Variants in ARHGAP12 observed in about 807,000 individuals in gnomAD.
The protein encoded by ARHGAP12 is rho GTPase-activating protein 12.
A neutral mutation model predicts 108.6 loss-of-function variants in ARHGAP12; 64 were observed. The observed-to-expected ratio is 0.59, with a 90% CI of 0.48 to 0.73. The LOEUF is 0.73. Ranked by LOEUF, ARHGAP12 falls within the 30% of genes least tolerant of loss-of-function variation. The pLI is 0.00. For synonymous variants in ARHGAP12, 312 were observed against 337.2 expected (o/e 0.93, Z 0.82); for missense variants, 940 against 1,005.9 (o/e 0.93, Z 0.89).
intron 1 of ARHGAP12, among the ~76,000 whole-genome samples, chr10:31,915,086 T>C (rs1282789171): frequency 6.6e-6 from 1 of 152,076 alleles, no homozygotes; most frequent in Non-Finnish European, 1.5e-5. Context: ...TCTAAAAATA[T>C]TGATCTCTTA....
chr10:31,884,003 C>T (rs1205359538), intron 3 of ARHGAP12, among the ~76,000 whole-genome samples: 1 of 150,516 alleles, frequency 6.6e-6, no homozygotes, highest in Non-Finnish European at 1.5e-5. Context: ...GCATGAGCCA[C>T]TACGCCTGGC....
intron 3 of ARHGAP12, among the ~76,000 whole-genome samples, chr10:31,891,477 T>A (rs1488721207): frequency 1.3e-5 from 2 of 152,224 alleles, no homozygotes; most frequent in African/African-American, 4.8e-5. Context: ...CTTCCCTTTG[T>A]GGGTAACCCG....
chr10:31,858,364 C>T (rs1836966205), intron 4 of ARHGAP12, among the ~76,000 whole-genome samples: 1 of 152,086 alleles, frequency 6.6e-6, no homozygotes, highest in Non-Finnish European at 1.5e-5. Context: ...ACACATAGAT[C>T]CTATATGGCT....
intron 3 of ARHGAP12, among the ~76,000 whole-genome samples, chr10:31,887,650 G>GTTTTTTTTTTTGTTTTTT (rs1247511414): frequency 7.4e-6 from 1 of 135,584 alleles, no homozygotes; most frequent in Non-Finnish European, 1.6e-5. Context: ...TGCCCTTCCT[G>GTTTTTTTTTTTGTTTTTT]TTTTTTTTTT....
At position 31,847,745 on chromosome 10, in the gene ARHGAP12, CCA is replaced by C. The variant is rs567362046; in HGVS notation, c.1171-4161_1171-4160del. Among the ~76,000 whole-genome samples, 71 of 152,166 alleles carry C rather than the reference CCA, an allele frequency of 4.7e-4. 1 individual carries two copies. The East Asian group carries it at 0.013, about 27-fold the overall frequency. On this transcript the variant is annotated intron_variant, in intron 6 of 19. Coordinates refer to ENST00000344936, the MANE Select transcript of ARHGAP12 (RefSeq NM_018287.7). ...TGGGTCTAGTCAACAGGGCTCCACC[CCA>C]CAGTCTCCATAGTGCCCAGGCAGGG...
Position 31,861,389 on chromosome 10 carries a change from T to A in ARHGAP12, c.948+6A>T. On this transcript the variant is annotated splice_donor_region_variant and intron_variant, in intron 4 of 19. Coordinates refer to ENST00000344936, the MANE Select transcript of ARHGAP12 (RefSeq NM_018287.7). ...AACTTGCAGTTGATTCCTTAATTACTCATACCTCTTGATCCCCTGGATTTT... is the reference window on the plus strand; with the variant it reads ...AACTTGCAGTTGATTCCTTAATTACACATACCTCTTGATCCCCTGGATTTT... 5 of 1,603,272 alleles carry A rather than the reference T, an allele frequency of 3.1e-6. No individual in the cohort carries two copies. Among genetic ancestry groups the A allele is most frequent in the South Asian group, 1.1e-5 (1 of 88,940 alleles).
intron 1 of ARHGAP12, among the ~76,000 whole-genome samples, chr10:31,924,533 T>A (rs1357219603): frequency 6.6e-6 from 1 of 152,236 alleles, no homozygotes; most frequent in African/African-American, 2.4e-5. Flanking sequence ...AGATTAATGC[T>A]TTTGAGATTC....
At chr10:31,813,037 T>C (rs1031548801) in intron 14 of ARHGAP12, among the ~76,000 whole-genome samples, 7 of 152,286 alleles carry the variant, frequency 4.6e-5, no homozygotes, top group African/African-American at 1.7e-4. Context: ...AAACATTTCA[T>C]TTTTATCACT....
chr10:31,834,969 C>T lies in ARHGAP12; in HGVS notation c.1387-3169G>A, dbSNP rs574285108. Among the ~76,000 whole-genome samples the T allele has an allele frequency of 6.4e-4, 97 of 152,068 alleles. 2 individuals carry two copies. The South Asian group carries it at 0.016, about 25-fold the overall frequency. ...TAATCTCAGCACTTTGGGAGGCCAACACAGGTGGATCACGAGGTCAGGAGT... is the reference window on the plus strand; with the variant it reads ...TAATCTCAGCACTTTGGGAGGCCAATACAGGTGGATCACGAGGTCAGGAGT... On this transcript the variant is annotated intron_variant, in intron 9 of 19. Coordinates refer to ENST00000344936, the MANE Select transcript of ARHGAP12 (RefSeq NM_018287.7).
chr10:31,823,003 T>G (rs1835472109), intron 11 of ARHGAP12, among the ~76,000 whole-genome samples: 1 of 152,158 alleles, frequency 6.6e-6, no homozygotes, highest in Admixed American at 6.6e-5. Flanking sequence ...AATGAATGTT[T>G]GAATAACTAC....
chr10:31,843,855 T>C (rs993157179), intron 6 of ARHGAP12, among the ~76,000 whole-genome samples: 3 of 152,180 alleles, frequency 2.0e-5, no homozygotes, highest in Admixed American at 2.0e-4. Flanking sequence ...TTTTGTCAAC[T>C]GTAAAGTGGA....
intron 11 of ARHGAP12, 110 bp downstream of exon 11, chr10:31,826,194 G>T: frequency 1.4e-6 from 1 of 723,484 alleles, no homozygotes; most frequent in Non-Finnish European, 2.2e-6. Flanking sequence ...ATTTTTATTT[G>T]CACACTAGCT....
chr10:31,831,721 A>G lies in ARHGAP12; in HGVS notation c.1448+18T>C. 6.6e-7 allele frequency: 1 copy of G among 1,513,442 alleles called. No homozygotes were observed. Among genetic ancestry groups the G allele is most frequent in the Non-Finnish European group, 9.1e-7 (1 of 1,100,374 alleles). The allele number at this position is 1,513,442 out of a possible 1,614,324, so 93.8% of individuals were successfully genotyped here. A position where few individuals can be genotyped will look rare whatever the true frequency, so the allele number is the denominator to read the frequency against. On this transcript the variant is annotated intron_variant, in intron 10 of 19. Coordinates refer to ENST00000344936, the MANE Select transcript of ARHGAP12 (RefSeq NM_018287.7). ...TTCAGATGAATCATGTAAGAACATTAAAGACTTGTGTACTTACCGAACCTT... is the reference window on the plus strand; with the variant it reads ...TTCAGATGAATCATGTAAGAACATTGAAGACTTGTGTACTTACCGAACCTT...
intron 3 of ARHGAP12, among the ~76,000 whole-genome samples, chr10:31,884,336 CG>C (rs1485999825): frequency 6.7e-6 from 1 of 149,722 alleles, no homozygotes; most frequent in Non-Finnish European, 1.5e-5. Flanking sequence ...AAAAAAAAAA[CG>C]GCACAGTTTT....
At chr10:31,851,917 T>C (rs1342911478) in intron 6 of ARHGAP12, among the ~76,000 whole-genome samples, 1 of 152,216 alleles carries the variant, frequency 6.6e-6, no homozygotes, top group African/African-American at 2.4e-5. Flanking sequence ...AAAATTCAAA[T>C]GTTTGCTCAT....
intron 3 of ARHGAP12, among the ~76,000 whole-genome samples, chr10:31,906,036 G>T (rs984940101): frequency 6.6e-6 from 1 of 152,080 alleles, no homozygotes; most frequent in African/African-American, 2.4e-5. Flanking sequence ...CAATTTCAAA[G>T]ATGAGGACTA....
At chr10:31,900,309 A>C (rs1312485775) in intron 3 of ARHGAP12, among the ~76,000 whole-genome samples, 1 of 152,216 alleles carries the variant, frequency 6.6e-6, no homozygotes, top group African/African-American at 2.4e-5. Context: ...AGTTTCTTAC[A>C]AAGCTAAACA....
At position 31,808,696 on chromosome 10, in the gene ARHGAP12, T is replaced by C. The variant is rs368128317; in HGVS notation, c.2319A>G (p.Pro773=). Residue 773 remains proline, a synonymous_variant, in exon 19 of 20, where the codon CCA becomes CCG. Coordinates refer to ENST00000344936, the MANE Select transcript of ARHGAP12 (RefSeq NM_018287.7). Reference sequence around the variant, plus strand: ...TCTGCATTGTGTCTTGGTTTGGCTTTGGCAACTGTCTGATTAGGTCCTTAA... The same window carrying C: ...TCTGCATTGTGTCTTGGTTTGGCTTCGGCAACTGTCTGATTAGGTCCTTAA... The part of the protein sequence containing the change: ...AAVKDLIRQL[P]KPNQDTMQIL... 746 of 1,613,766 alleles carry C rather than the reference T, an allele frequency of 4.6e-4. No homozygotes were observed. Among genetic ancestry groups the C allele is most frequent in the Non-Finnish European group, 6.0e-4 (705 of 1,179,784 alleles).
At chr10:31,866,082 A>G (rs1837312491) in intron 3 of ARHGAP12, among the ~76,000 whole-genome samples, 1 of 152,202 alleles carries the variant, frequency 6.6e-6, no homozygotes, top group Non-Finnish European at 1.5e-5. Flanking sequence ...TTAGCATAAT[A>G]ATTATTATTG....
Sources: gnomAD v4.1 joint callset for allele counts (sites outside exome capture counted in the v4.1 genomes callset) on GRCh38, gnomAD v4.1.1 for gene constraint, MANE v1.5 for transcripts, NCBI Gene and HGNC (gene_info 2026-07-23, HGNC 2026-07-21) for gene names.